Variants in TRPS1 observed in about 807,000 individuals in gnomAD.
TRPS1 encodes the protein zinc finger transcription factor Trps1.
TRPS1 carries 6 observed loss-of-function variants against 101.2 expected under a neutral mutation model. The observed-to-expected ratio is 0.06, with a 90% CI of 0.03 to 0.12. The LOEUF is 0.12. TRPS1 is among the 10% of genes least tolerant of loss of function. The pLI is 1.00. For synonymous variants in TRPS1, 578 were observed against 589.8 expected (o/e 0.98, Z 0.29); for missense variants, 1,363 against 1,567.0 (o/e 0.87, Z 2.20).
At position 115,469,201 on chromosome 8, in the gene TRPS1, T is replaced by G. The variant is rs796097130; in HGVS notation, c.2701-50749A>C. On this transcript the variant is annotated intron_variant, in intron 5 of 6. Coordinates refer to ENST00000395715, the MANE Select transcript of TRPS1 (RefSeq NM_014112.5). ...ATGCTGAACCAAACAAAACTCCCAA[T>G]TGACAAGATGAAACAGTGTGAAGTG... Among the ~76,000 whole-genome samples the G allele has an allele frequency of 3.9e-5, 6 of 152,178 alleles. No individual in the cohort carries two copies. In the East Asian group the frequency reaches 9.7e-4, roughly 25 times the overall value.
At chr8:115,662,446 C>T (rs1478452324) in intron 1 of TRPS1, among the ~76,000 whole-genome samples, 2 of 151,892 alleles carry the variant, frequency 1.3e-5, no homozygotes, top group Admixed American at 6.6e-5. Flanking sequence ...AAAGTCGAAA[C>T]AGTACTTAGT....
intron 5 of TRPS1, among the ~76,000 whole-genome samples, chr8:115,558,284 G>C (rs1258568371): frequency 6.6e-6 from 1 of 152,008 alleles, no homozygotes; most frequent in Non-Finnish European, 1.5e-5. Flanking sequence ...GTTAATATTG[G>C]GAAAGGTTGA....
chr8:115,481,929 A>C (rs1814763527), intron 5 of TRPS1, among the ~76,000 whole-genome samples: 1 of 152,194 alleles, frequency 6.6e-6, no homozygotes, highest in Non-Finnish European at 1.5e-5. Context: ...AATTTCGGTA[A>C]GTTTAGGAAG....
At chr8:115,539,452 G>C (rs1280296232) in intron 5 of TRPS1, among the ~76,000 whole-genome samples, 1 of 152,052 alleles carries the variant, frequency 6.6e-6, no homozygotes, top group African/African-American at 2.4e-5. Flanking sequence ...TATTCAAAAA[G>C]AACGAAATGA....
intron 1 of TRPS1, among the ~76,000 whole-genome samples, chr8:115,665,573 G>A (rs1159957643): frequency 1.3e-5 from 2 of 152,132 alleles, no homozygotes; most frequent in African/African-American, 4.8e-5. Flanking sequence ...AAATATGGTA[G>A]TAGTATGTGT....
At chr8:115,515,834 G>A (rs1050864588) in intron 5 of TRPS1, among the ~76,000 whole-genome samples, 14 of 151,418 alleles carry the variant, frequency 9.2e-5, no homozygotes, top group African/African-American at 3.4e-4. Flanking sequence ...TTGTCAGTTA[G>A]TACTCATTAT....
At chr8:115,558,137 A>G (rs942775623) in intron 5 of TRPS1, among the ~76,000 whole-genome samples, 3 of 152,098 alleles carry the variant, frequency 2.0e-5, no homozygotes, top group Non-Finnish European at 4.4e-5. Flanking sequence ...CAGATAAAAC[A>G]TTGTATATTA....
At chr8:115,589,716 G>T (rs976891875) in intron 4 of TRPS1, among the ~76,000 whole-genome samples, 1 of 152,090 alleles carries the variant, frequency 6.6e-6, no homozygotes, top group African/African-American at 2.4e-5. Context: ...CAATGTCAAG[G>T]CCAGAAAATT....
At chr8:115,634,261 C>G (rs924282970) in intron 1 of TRPS1, among the ~76,000 whole-genome samples, 1 of 152,138 alleles carries the variant, frequency 6.6e-6, no homozygotes, top group Non-Finnish European at 1.5e-5. Flanking sequence ...AGCTTGAGAA[C>G]TTTGGGTTTA....
At chr8:115,638,194 G>A (rs558951447) in intron 1 of TRPS1, among the ~76,000 whole-genome samples, 75 of 152,238 alleles carry the variant, frequency 4.9e-4, no homozygotes, top group Middle Eastern at 3.4e-3. Flanking sequence ...AGATTTAGGT[G>A]CTAAAGGTTA....
intron 5 of TRPS1, among the ~76,000 whole-genome samples, chr8:115,541,102 C>T (rs911539014): frequency 6.6e-6 from 1 of 151,754 alleles, no homozygotes; most frequent in Non-Finnish European, 1.5e-5. Flanking sequence ...TGGAACAATC[C>T]CCAACAACTC....
chr8:115,608,909 G>A (rs1283623514), intron 3 of TRPS1, among the ~76,000 whole-genome samples: 1 of 147,228 alleles, frequency 6.8e-6, no homozygotes, highest in Non-Finnish European at 1.5e-5. Context: ...GCAATGTCAC[G>A]ATCTCCGCTC....
intron 5 of TRPS1, among the ~76,000 whole-genome samples, chr8:115,577,676 GA>G (rs1817350949): frequency 1.3e-5 from 2 of 151,440 alleles, no homozygotes; most frequent in Admixed American, 6.6e-5. Context: ...ATCAATAACA[GA>G]AAAAAAGCAT....
chr8:115,556,346 TACTG>T (rs1274791300), intron 5 of TRPS1, among the ~76,000 whole-genome samples: 4 of 152,300 alleles, frequency 2.6e-5, no homozygotes, highest in Admixed American at 2.0e-4. Flanking sequence ...AACTTTTTTT[TACTG>T]ACTGATAAGC....
chr8:115,550,941 G>A (rs1007708492), intron 5 of TRPS1, among the ~76,000 whole-genome samples: 6 of 152,104 alleles, frequency 3.9e-5, no homozygotes, highest in African/African-American at 1.4e-4. Flanking sequence ...GTTCTACAAA[G>A]TTTAGTTTCA....
intron 1 of TRPS1, chr8:115,668,015 GC>G (rs1396803248): frequency 1.1e-6 from 1 of 933,838 alleles, no homozygotes; most frequent in Non-Finnish European, 1.6e-6. Flanking sequence ...ATTAAAATCA[GC>G]CAGAAAGAGA....
intron 1 of TRPS1, among the ~76,000 whole-genome samples, chr8:115,638,220 T>A (rs966428375): frequency 1.3e-5 from 2 of 152,146 alleles, no homozygotes; most frequent in Admixed American, 1.3e-4. Context: ...AAATTCCATT[T>A]TACACCAAAA....
intron 5 of TRPS1, among the ~76,000 whole-genome samples, chr8:115,534,441 A>G (rs1586374122): frequency 6.6e-6 from 1 of 151,622 alleles, no homozygotes; most frequent in Non-Finnish European, 1.5e-5. Flanking sequence ...ATCACACTGG[A>G]GATTGAAGCT....
At chr8:115,484,541 T>C (rs1814831834) in intron 5 of TRPS1, among the ~76,000 whole-genome samples, 2 of 152,180 alleles carry the variant, frequency 1.3e-5, no homozygotes, top group South Asian at 4.1e-4. Flanking sequence ...TTCACTTCTT[T>C]AGTTTCTTGC....
Sources: allele counts gnomAD v4.1 joint callset (sites outside exome capture counted in the v4.1 genomes callset), GRCh38; gene constraint gnomAD v4.1.1; transcripts MANE v1.5; gene names NCBI Gene and HGNC (gene_info 2026-07-23, HGNC 2026-07-21).